The following STARD13 variants were observed in gnomAD, a reference collection of about 807,000 sequenced individuals.
STARD13 encodes StAR related lipid transfer domain containing 13.
A neutral mutation model predicts 106.4 loss-of-function variants in STARD13; 62 were observed. That is an observed-to-expected ratio of 0.58 (90% CI 0.48 to 0.72). The LOEUF (loss-of-function observed/expected upper bound fraction) is 0.72, where lower values mean the gene tolerates loss of function less well. Among genes scored for constraint, STARD13 ranks in the 30% least tolerant of loss-of-function variants. The probability of loss-of-function intolerance (pLI) is 0.00; values close to 1 mark genes in which losing one functional copy is unlikely to be tolerated. For missense variants in STARD13, 1,387 were observed against 1,424.0 expected, an observed-to-expected ratio of 0.97 and a Z score of 0.42; for synonymous variants, 565 against 553.0, an observed-to-expected ratio of 1.02 and a Z score of -0.31.
chr13:33,474,666 T>C, the STARD13 span, among the ~76,000 whole-genome samples: 2 of 152,184 alleles, frequency 1.3e-5, no homozygotes, highest in Non-Finnish European at 2.9e-5. Context: ...CATACACTTC[T>C]GTCTGGGTTT....
chr13:33,150,647 A>T lies in STARD13; in HGVS notation c.324-8274T>A, dbSNP rs58813210. 3.4e-4 allele frequency among the ~76,000 whole-genome samples: 52 copies of T among 152,354 alleles called. 1 individual carries two copies. In the East Asian group the frequency reaches 9.8e-3, roughly 29 times the overall value. On this transcript the variant is annotated intron_variant, in intron 3 of 13. Coordinates refer to ENST00000336934, the MANE Select transcript of STARD13 (RefSeq NM_178006.4). ...TCCATGGGAAGAGAAAACCCATGGC[A>T]CATGATGAAGCCTGTCCTCTTCATG...
chr13:33,153,113 A>T (rs567400279), intron 3 of STARD13, among the ~76,000 whole-genome samples: 1 of 152,344 alleles, frequency 6.6e-6, no homozygotes, highest in South Asian at 2.1e-4. Context: ...TAACATGAAG[A>T]TGCCATCAAG....
the STARD13 span, among the ~76,000 whole-genome samples, chr13:33,635,203 T>C: frequency 6.6e-6 from 1 of 152,166 alleles, no homozygotes; most frequent in South Asian, 2.1e-4. Context: ...GTACAGGATG[T>C]ACAAAAGAAC....
chr13:33,105,577 T>A lies in STARD13; in HGVS notation c.*16A>T. Reference sequence around the variant, plus strand: ...AGCTTCCTCTTCCCTGAGTTTGATGTCACACTGGGCAAAACTCAGATTTTA... The same window carrying A: ...AGCTTCCTCTTCCCTGAGTTTGATGACACACTGGGCAAAACTCAGATTTTA... On this transcript the variant is annotated 3_prime_UTR_variant, in exon 14 of 14. Transcript: ENST00000336934. 6.4e-7 allele frequency: 1 copy of A among 1,562,604 alleles called. No individual in the cohort carries two copies. Among genetic ancestry groups the A allele is most frequent in the Non-Finnish European group, 8.8e-7 (1 of 1,132,850 alleles).
chr13:33,359,886 C>CT, the STARD13 span, among the ~76,000 whole-genome samples: 1 of 152,196 alleles, frequency 6.6e-6, no homozygotes, highest in East Asian at 1.9e-4. Flanking sequence ...TTAAAGTAAT[C>CT]TAGAGTTACC....
chr13:33,254,861 C>G (rs1890265975), intron 1 of STARD13, among the ~76,000 whole-genome samples: 1 of 152,172 alleles, frequency 6.6e-6, no homozygotes, highest in South Asian at 2.1e-4. Context: ...AGAGCCACCT[C>G]CATCACTCAG....
intron 1 of STARD13, among the ~76,000 whole-genome samples, chr13:33,226,435 CTTTT>C (rs71196514): frequency 7.7e-6 from 1 of 130,248 alleles, no homozygotes. Flanking sequence ...AAATTTAGTT[CTTTT>C]TTTTTTTTTT....
chr13:33,558,058 A>G, the STARD13 span, among the ~76,000 whole-genome samples: 1 of 152,260 alleles, frequency 6.6e-6, no homozygotes, highest in Non-Finnish European at 1.5e-5. Flanking sequence ...GTAAAAAGCC[A>G]AATGTAGTAA....
the STARD13 span, among the ~76,000 whole-genome samples, chr13:33,650,578 T>G: frequency 6.6e-6 from 1 of 152,220 alleles, no homozygotes; most frequent in African/African-American, 2.4e-5. Context: ...TTCTTAATCT[T>G]TACTCTAAAG....
At chr13:33,533,568 T>G in the STARD13 span, among the ~76,000 whole-genome samples, 21 of 152,332 alleles carry the variant, frequency 1.4e-4, no homozygotes, top group East Asian at 4.0e-3. Context: ...AGCTCTTTTT[T>G]TTTTGTTCAC....
the STARD13 span, among the ~76,000 whole-genome samples, chr13:33,356,488 G>C: frequency 6.6e-6 from 1 of 152,164 alleles, no homozygotes; most frequent in African/African-American, 2.4e-5. Flanking sequence ...GGCATAGACA[G>C]AGGAGGTAGC....
At chr13:33,411,682 G>C in the STARD13 span, among the ~76,000 whole-genome samples, 2 of 152,186 alleles carry the variant, frequency 1.3e-5, no homozygotes, top group Admixed American at 1.3e-4. Context: ...TGTCTCCATA[G>C]TTTTCCCTTT....
chr13:33,562,640 T>A, the STARD13 span, among the ~76,000 whole-genome samples: 7 of 146,964 alleles, frequency 4.8e-5, 1 homozygote, highest in East Asian at 1.4e-3. Flanking sequence ...GAGTACCAAG[T>A]AGGTCCTCAA....
At chr13:33,473,695 GC>G in the STARD13 span, among the ~76,000 whole-genome samples, 1 of 152,142 alleles carries the variant, frequency 6.6e-6, no homozygotes, top group African/African-American at 2.4e-5. Flanking sequence ...CTTCTAAGCA[GC>G]TGTCCACCCA....
At chr13:33,113,167 C>T (rs544233740) in intron 8 of STARD13, 10 of 519,934 alleles carry the variant, frequency 1.9e-5, no homozygotes, top group East Asian at 1.2e-4. Context: ...CCCACGCTCT[C>T]GATGGCCAAG....
intron 1 of STARD13, among the ~76,000 whole-genome samples, chr13:33,302,763 T>G (rs917154931): frequency 6.6e-6 from 1 of 152,218 alleles, no homozygotes; most frequent in Non-Finnish European, 1.5e-5. Context: ...TTTTCTTCAA[T>G]TTACAGATGA....
the STARD13 span, among the ~76,000 whole-genome samples, chr13:33,650,319 T>C: frequency 6.7e-6 from 1 of 148,396 alleles, no homozygotes; most frequent in Admixed American, 6.7e-5. Context: ...GCCTCCCAAG[T>C]AGCTGGGACT....
intron 1 of STARD13, among the ~76,000 whole-genome samples, chr13:33,294,741 T>C (rs558232584): frequency 1.3e-5 from 2 of 152,334 alleles, no homozygotes; most frequent in African/African-American, 4.8e-5. Flanking sequence ...TGTCTGCACT[T>C]AGAGGATTAC....
chr13:33,645,148 G>A, the STARD13 span, among the ~76,000 whole-genome samples: 2 of 152,144 alleles, frequency 1.3e-5, no homozygotes, highest in African/African-American at 2.4e-5. Flanking sequence ...TATGTTGACT[G>A]ATAAGATGTG....
Sources: allele counts gnomAD v4.1 joint callset (sites outside exome capture counted in the v4.1 genomes callset), GRCh38; gene constraint gnomAD v4.1.1; transcripts MANE v1.5; gene names NCBI Gene and HGNC (gene_info 2026-07-23, HGNC 2026-07-21).